The following TRPS1 variants were observed in gnomAD, a reference collection of about 807,000 sequenced individuals.
TRPS1 encodes zinc finger transcription factor Trps1.
TRPS1 carries 6 observed loss-of-function variants against 101.2 expected under a neutral mutation model. The observed-to-expected ratio is 0.06, with a 90% CI of 0.03 to 0.12. TRPS1 has a LOEUF of 0.12. Among genes scored for constraint, TRPS1 ranks in the 10% least tolerant of loss-of-function variants. TRPS1 has a pLI of 1.00. For missense variants in TRPS1, 1,363 were observed against 1,567.0 expected, an observed-to-expected ratio of 0.87 and a Z score of 2.20; for synonymous variants, 578 against 589.8, an observed-to-expected ratio of 0.98 and a Z score of 0.29.
At chr8:115,551,163 A>G (rs1816695028) in intron 5 of TRPS1, among the ~76,000 whole-genome samples, 1 of 152,240 alleles carries the variant, frequency 6.6e-6, no homozygotes, top group Non-Finnish European at 1.5e-5. Flanking sequence ...CAGATTACAG[A>G]AAAAAGATCC....
At chr8:115,456,849 G>C (rs1814039303) in intron 5 of TRPS1, among the ~76,000 whole-genome samples, 1 of 151,920 alleles carries the variant, frequency 6.6e-6, no homozygotes, top group Non-Finnish European at 1.5e-5. Flanking sequence ...ATTTGCTAAA[G>C]AGAATGACTT....
chr8:115,474,378 GGGATGGAT>G (rs10641080), intron 5 of TRPS1, among the ~76,000 whole-genome samples: 3 of 151,972 alleles, frequency 2.0e-5, no homozygotes, highest in African/African-American at 4.8e-5. Flanking sequence ...AAAATTCTCT[GGGATGGAT>G]GGATGGATGG....
chr8:115,531,879 C>T (rs1816140893), intron 5 of TRPS1, among the ~76,000 whole-genome samples: 1 of 151,990 alleles, frequency 6.6e-6, no homozygotes, highest in Non-Finnish European at 1.5e-5. Flanking sequence ...GTGCTTATTT[C>T]ATAAAGGCTG....
intron 5 of TRPS1, among the ~76,000 whole-genome samples, chr8:115,465,956 A>G (rs979392916): frequency 6.6e-6 from 1 of 152,192 alleles, no homozygotes; most frequent in African/African-American, 2.4e-5. Context: ...CTGCTTGTCA[A>G]TCTAGATCAT....
intron 1 of TRPS1, among the ~76,000 whole-genome samples, chr8:115,624,256 T>C (rs1438654424): frequency 1.3e-5 from 2 of 151,994 alleles, no homozygotes; most frequent in East Asian, 1.9e-4. Flanking sequence ...AAGTTCAAAA[T>C]GCCCGTTAGA....
chr8:115,477,674 T>C (rs913246419), intron 5 of TRPS1, among the ~76,000 whole-genome samples: 12 of 152,210 alleles, frequency 7.9e-5, no homozygotes, highest in African/African-American at 2.7e-4. Flanking sequence ...ATCAGCTCCA[T>C]AGTAGTAAGT....
At chr8:115,592,401 T>C (rs1425838620) in intron 4 of TRPS1, among the ~76,000 whole-genome samples, 1 of 152,196 alleles carries the variant, frequency 6.6e-6, no homozygotes, top group African/African-American at 2.4e-5. Context: ...ATGATCTTAC[T>C]ATTATTGTTA....
chr8:115,557,400 T>C (rs533353065), intron 5 of TRPS1, among the ~76,000 whole-genome samples: 6 of 152,312 alleles, frequency 3.9e-5, no homozygotes, highest in African/African-American at 1.4e-4. Context: ...ACGGTTTGGC[T>C]ATGTCCCACT....
At chr8:115,531,418 C>T (rs1213443876) in intron 5 of TRPS1, among the ~76,000 whole-genome samples, 1 of 152,122 alleles carries the variant, frequency 6.6e-6, no homozygotes. Flanking sequence ...ACGGCCCTAA[C>T]CTGGCAGGAA....
intron 5 of TRPS1, among the ~76,000 whole-genome samples, chr8:115,529,815 G>A (rs895638022): frequency 6.6e-6 from 1 of 152,120 alleles, no homozygotes; most frequent in African/African-American, 2.4e-5. Context: ...CTAGTTTTCA[G>A]CACCTGGTAA....
rs1223624740 is a variant in TRPS1, at chr8:115,483,169, T to TA, written c.2701-64718dup. Among the ~76,000 whole-genome samples the TA allele has an allele frequency of 4.6e-5, 7 of 152,228 alleles. No individual in the cohort carries two copies. The East Asian group carries it at 9.7e-4, about 21-fold the overall frequency. Reference sequence around the variant, plus strand: ...TGAATGGATAAAGTGAGAGAGGAAGTAAAAAACTATACTTATTGGTGATTA... The same window carrying TA: ...TGAATGGATAAAGTGAGAGAGGAAGTAAAAAAACTATACTTATTGGTGATTA... On this transcript the variant is annotated intron_variant, in intron 5 of 6. Transcript: ENST00000395715.
chr8:115,601,139 A>T (rs566106471), intron 4 of TRPS1, among the ~76,000 whole-genome samples: 1 of 152,300 alleles, frequency 6.6e-6, no homozygotes, highest in South Asian at 2.1e-4. Flanking sequence ...CACATATTAT[A>T]CAGTTCATGG....
chr8:115,494,223 T>A (rs574105232), intron 5 of TRPS1, among the ~76,000 whole-genome samples: 5 of 152,332 alleles, frequency 3.3e-5, no homozygotes, highest in Non-Finnish European at 5.9e-5. Flanking sequence ...GCTAATCTGC[T>A]AATAGGAAAT....
chr8:115,622,418 T>G (rs1330235217), intron 2 of TRPS1, among the ~76,000 whole-genome samples: 1 of 152,156 alleles, frequency 6.6e-6, no homozygotes, highest in East Asian at 1.9e-4. Context: ...AAATTAGTTA[T>G]CATTTAAAAT....
chr8:115,585,787 T>C (rs1384635391), intron 5 of TRPS1, among the ~76,000 whole-genome samples: 1 of 152,184 alleles, frequency 6.6e-6, no homozygotes, highest in African/African-American at 2.4e-5. Flanking sequence ...TTTCTCTCTG[T>C]ACAGGGGGCA....
At chr8:115,483,980 A>G (rs1163646242) in intron 5 of TRPS1, among the ~76,000 whole-genome samples, 1 of 152,216 alleles carries the variant, frequency 6.6e-6, no homozygotes, top group Non-Finnish European at 1.5e-5. Flanking sequence ...AAAAATGTGT[A>G]TTTGACTCAT....
intron 5 of TRPS1, among the ~76,000 whole-genome samples, chr8:115,485,278 C>A (rs1042207764): frequency 6.6e-6 from 1 of 152,120 alleles, no homozygotes; most frequent in Non-Finnish European, 1.5e-5. Flanking sequence ...ATGGGGACCT[C>A]AGTTCTATGG....
chr8:115,563,566 A>T (rs1816998415), intron 5 of TRPS1, among the ~76,000 whole-genome samples: 1 of 152,134 alleles, frequency 6.6e-6, no homozygotes. Flanking sequence ...GAGAAACACT[A>T]TCTTAGAGAA....
At chr8:115,642,242 C>CATATA (rs199493120) in intron 1 of TRPS1, among the ~76,000 whole-genome samples, 12,923 of 148,362 alleles carry the variant, frequency 0.087, 2,034 homozygotes, top group African/African-American at 0.3. Context: ...GAAAAGAAAC[C>CATATA]TGTGTGTATA....
Sources: gnomAD v4.1 joint callset for allele counts (sites outside exome capture counted in the v4.1 genomes callset) on GRCh38, gnomAD v4.1.1 for gene constraint, MANE v1.5 for transcripts, NCBI Gene and HGNC (gene_info 2026-07-23, HGNC 2026-07-21) for gene names.